AMZ1: variants seen among roughly 807,000 people sequenced by gnomAD.
The protein encoded by AMZ1 is archaelysin family metallopeptidase 1, also known as archaemetzincin-1.
AMZ1 carries 39 observed loss-of-function variants against 29.9 expected under a neutral mutation model. The ratio of observed to expected loss-of-function variants is 1.30; its 90% CI spans 1.01 to 1.70. The LOEUF is 1.70. AMZ1 is among the 40% of genes most tolerant of loss of function. AMZ1 has a pLI of 0.00. For synonymous variants in AMZ1, 458 were observed against 304.0 expected, an observed-to-expected ratio of 1.51 and a Z score of -5.27; for missense variants, 1,041 against 680.6, an observed-to-expected ratio of 1.53 and a Z score of -5.89.
upstream of AMZ1, among the ~76,000 whole-genome samples, chr7:2,685,855 GA>G (rs10710624): frequency 0.4 from 34,760 of 87,264 alleles, 4,934 homozygotes; most frequent in African/African-American, 0.47. Context: ...TCCGTCTCAA[GA>G]AAAAAAAAAA....
In AMZ1 at chr7:2,709,695, G is replaced by A. The variant is rs375171083; in HGVS notation, c.827G>A (p.Arg276His). The A allele has an allele frequency of 1.2e-5, 20 of 1,610,804 alleles. No individual in the cohort carries two copies. The highest frequency in any genetic ancestry group is 5.0e-5 in the Admixed American group (3 of 59,962). The change falls in exon 6 of 7, where the codon CGC (arginine) becomes CAC (histidine). Residue 276 changes from arginine (R) to histidine (H), a missense_variant. Physicochemically the swap from Arg to His is conservative, Grantham distance 29. Coordinates refer to ENST00000683327, the MANE Select transcript of AMZ1 (RefSeq NM_001384743.1). ...GGCCTGGGGAACTGCCGCTGGCTCC[G>A]CTGCCTCATGCAGGGTGCGCTCAGC... The part of the protein sequence containing the change: ...LLGLGNCRWL[R>H]CLMQGALSLD...
chr7:2,680,104 G>A (rs1314610158), intron 1 of AMZ1, among the ~76,000 whole-genome samples: 3 of 152,150 alleles, frequency 2.0e-5, no homozygotes, highest in Admixed American at 2.0e-4. Context: ...TCTATAGCCG[G>A]CCTGGGTGGG....
chr7:2,735,484 C>T (rs1009636867), intron 4 of AMZ1, among the ~76,000 whole-genome samples: 22 of 152,120 alleles, frequency 1.4e-4, no homozygotes, highest in African/African-American at 4.8e-4. Context: ...ATAGTACGGA[C>T]GCAAGGGGAA....
chr7:2,744,249 C>T (rs1464616778), intron 4 of AMZ1, among the ~76,000 whole-genome samples: 1 of 152,220 alleles, frequency 6.6e-6, no homozygotes, highest in African/African-American at 2.4e-5. Context: ...CCCTGAGTAG[C>T]CTAACTGGGA....
chr7:2,724,108 G>T (rs571330068), downstream of AMZ1, among the ~76,000 whole-genome samples: 1 of 151,758 alleles, frequency 6.6e-6, no homozygotes, highest in South Asian at 2.1e-4. Context: ...GGAGTGGGGG[G>T]GCGGGTCTCA....
intron 6 of AMZ1, 42 bp from the exon 7 acceptor site, chr7:2,712,288 G>A: frequency 6.6e-7 from 1 of 1,513,544 alleles, no homozygotes; most frequent in Middle Eastern, 2.1e-4. Flanking sequence ...GCTAGACAAG[G>A]GCTGGCACGG....
rs573112084 is a variant in AMZ1, at chr7:2,731,117, C to G, written n.550+21301C>G. 4.5e-6 allele frequency: 5 copies of G among 1,116,396 alleles called. No individual in the cohort carries two copies. The Admixed American group carries it at 9.5e-5, about 21-fold the overall frequency. 69.2% of individuals were successfully genotyped at this position (1,116,396 alleles called of 1,614,324 possible). ...TCAAGGACCACACAGACAACACACA[C>G]CCAAGAGTCTGACCGACAGCCGTGG... On this transcript the variant is annotated intron_variant and non_coding_transcript_variant, in intron 4 of 4. Transcript: ENST00000489665. The surrounding 1 kb of genome is among the most constrained non-coding windows in gnomAD (Gnocchi z 6.0).
chr7:2,719,434 C>T lies in AMZ1; in HGVS notation c.*6556C>T, dbSNP rs1789323778. ...GCCCAGAGCATCCCTTGGCCCGACG[C>T]ACAAGTCCCACAATAGCCTCTCCCA... On this transcript the variant is annotated 3_prime_UTR_variant, in exon 7 of 7. Transcript: ENST00000683327. 6.6e-6 allele frequency among the ~76,000 whole-genome samples: 1 copy of T among 152,196 alleles called. No homozygotes were observed. The highest frequency in any genetic ancestry group is 2.4e-5 in the African/African-American group (1 of 41,454).
intron 1 of AMZ1, among the ~76,000 whole-genome samples, chr7:2,691,730 CAAAAA>C (rs55752807): frequency 1.2e-5 from 1 of 84,636 alleles, no homozygotes; most frequent in Non-Finnish European, 2.1e-5. Flanking sequence ...GGCTCCGTCT[CAAAAA>C]AAAAAAAAAA....
chr7:2,706,888 G>C (rs1316267014), intron 3 of AMZ1, among the ~76,000 whole-genome samples: 1 of 141,332 alleles, frequency 7.1e-6, no homozygotes, highest in Non-Finnish European at 1.5e-5. Context: ...AGGAGGCCGA[G>C]GCAGGAAGAT....
At chr7:2,758,344 C>T (rs1421468232) in intron 4 of AMZ1, among the ~76,000 whole-genome samples, 2 of 152,166 alleles carry the variant, frequency 1.3e-5, no homozygotes, top group East Asian at 1.9e-4. Context: ...CATCCTCATA[C>T]GTCGTGTGGC....
At position 2,709,784 on chromosome 7, in the gene AMZ1, GTCCTGGGTTTCAGGC is replaced by G; in HGVS notation, c.919_933del (p.Leu307_Leu311del). ...CATCTGCCTGAGGAAGCTGCAGCAT[GTCCTGGGTTTCAGGC>G]TCATCGAGAGGTACCAGGTGAGTGG... On this transcript the variant is annotated inframe_deletion, in exon 6 of 7. Transcript: ENST00000683327. 1 of 1,612,126 alleles carries G rather than the reference GTCCTGGGTTTCAGGC, an allele frequency of 6.2e-7. No individual in the cohort carries two copies. The highest frequency in any genetic ancestry group is 2.2e-5 in the East Asian group (1 of 44,876).
intron 6 of AMZ1, among the ~76,000 whole-genome samples, chr7:2,711,355 A>G (rs1460463613): frequency 2.0e-5 from 3 of 152,224 alleles, no homozygotes; most frequent in Non-Finnish European, 4.4e-5. Context: ...TCTTGAAGAA[A>G]GCCTGACTTG....
intron 1 of AMZ1, among the ~76,000 whole-genome samples, chr7:2,693,483 C>T (rs189988338): frequency 6.6e-6 from 1 of 152,282 alleles, no homozygotes; most frequent in African/African-American, 2.4e-5. Flanking sequence ...GGGCTGGAGA[C>T]TTCCTCCGAC....
intron 1 of AMZ1, among the ~76,000 whole-genome samples, chr7:2,681,161 G>A (rs1250396655): frequency 2.0e-5 from 3 of 152,174 alleles, no homozygotes; most frequent in Admixed American, 6.5e-5. Context: ...ACTCAGGCCC[G>A]AAAGCCCCAA....
chr7:2,738,798 G>A (rs1790344370), intron 4 of AMZ1, among the ~76,000 whole-genome samples: 1 of 152,204 alleles, frequency 6.6e-6, no homozygotes, highest in South Asian at 2.1e-4. Flanking sequence ...GTTAGAGGCG[G>A]AACCTAGAAT....
At chr7:2,683,611 T>A (rs999464667), upstream of AMZ1, among the ~76,000 whole-genome samples, 2 of 152,064 alleles carry the variant, frequency 1.3e-5, no homozygotes, top group African/African-American at 2.4e-5. Context: ...CTAATTTTTT[T>A]ATATTTTTAA....
At chr7:2,759,378 T>C (rs7792655) in intron 4 of AMZ1, among the ~76,000 whole-genome samples, 2,685 of 152,284 alleles carry the variant, frequency 0.018, 75 homozygotes, top group African/African-American at 0.061. Flanking sequence ...GCCTCCCCCA[T>C]ATCACCTTCA....
intron 4 of AMZ1, among the ~76,000 whole-genome samples, chr7:2,742,837 T>C (rs756778574): frequency 6.6e-6 from 1 of 152,248 alleles, no homozygotes; most frequent in Non-Finnish European, 1.5e-5. Context: ...TAATCCTTTG[T>C]TGCTAGTGAA....
Sources: allele counts gnomAD v4.1 joint callset (sites outside exome capture counted in the v4.1 genomes callset), GRCh38; gene constraint gnomAD v4.1.1; non-coding constraint Gnocchi (gnomAD v3.1); transcripts MANE v1.5; gene names NCBI Gene and HGNC (gene_info 2026-07-23, HGNC 2026-07-21).